Variants in NIFK observed in about 807,000 individuals in gnomAD.
NIFK encodes MKI67 FHA domain-interacting nucleolar phosphoprotein.
A neutral mutation model predicts 31.7 loss-of-function variants in NIFK; 16 were observed. The ratio of observed to expected loss-of-function variants is 0.50; its 90% CI spans 0.34 to 0.77. NIFK has a LOEUF of 0.77. NIFK is among the 30% of genes least tolerant of loss of function. The pLI, the probability that NIFK is intolerant of heterozygous loss-of-function variation, is 0.01. For synonymous variants in NIFK, 126 were observed against 123.0 expected, an observed-to-expected ratio of 1.02 and a Z score of -0.16; for missense variants, 341 against 350.4, an observed-to-expected ratio of 0.97 and a Z score of 0.21.
At chr2:121,736,632 T>TGAAGGCGAGCAC in intron 1 of NIFK, 114 bp downstream of exon 1, 1 of 848,274 alleles carries the variant, frequency 1.2e-6, no homozygotes, top group East Asian at 2.5e-5. Flanking sequence ...CTGGAGGTAA[T>TGAAGGCGAGCAC]GAAGGCGAGC....
chr2:121,730,136 C>T (rs940470833), intron 4 of NIFK, among the ~76,000 whole-genome samples: 9 of 152,138 alleles, frequency 5.9e-5, no homozygotes, highest in African/African-American at 1.9e-4. Context: ...ATTGCTTGAA[C>T]CTGGGAGGTG....
intron 6 of NIFK, 69 bp downstream of exon 6, chr2:121,728,219 G>A (rs1222896308): frequency 1.0e-6 from 1 of 980,458 alleles, no homozygotes; most frequent in Non-Finnish European, 1.6e-6. Context: ...GAGAGTAGCA[G>A]AAACTGCTTC....
Position 121,736,757 on chromosome 2 carries a change from G to C in NIFK, c.94C>G (p.Arg32Gly), listed in dbSNP as rs552559583. The C allele has an allele frequency of 1.2e-6, 2 of 1,613,718 alleles. No individual in the cohort carries two copies. Among genetic ancestry groups the C allele is most frequent in the African/African-American group, 2.7e-5 (2 of 74,944 alleles). The change falls in exon 1 of 7, where the codon CGC becomes GGC. Residue 32 changes from arginine to glycine, a missense_variant. By Grantham distance (125) the Arg-to-Gly change is moderately radical. Coordinates refer to ENST00000285814, the MANE Select transcript of NIFK (RefSeq NM_032390.5). ...FQKEVAQVRKRITQRKKQEQL... is the reference protein window; with the variant it reads ...FQKEVAQVRKGITQRKKQEQL... ...GGGTGCCTGCTCACCTGGGTTATGC[G>C]CTTGCGAACCTGCGCCACCTCCTTT...
At chr2:121,734,237 A>G (rs1486726443) in intron 2 of NIFK, among the ~76,000 whole-genome samples, 3 of 152,126 alleles carry the variant, frequency 2.0e-5, no homozygotes, top group Non-Finnish European at 4.4e-5. Flanking sequence ...CAGAGGTTGC[A>G]GTGAGCCGAG....
chr2:121,733,452 G>A (rs1329381781), intron 2 of NIFK, among the ~76,000 whole-genome samples: 2 of 151,234 alleles, frequency 1.3e-5, no homozygotes, highest in East Asian at 2.0e-4. Flanking sequence ...GAGGCTGAGG[G>A]TGCAGTGAGC....
At chr2:121,728,917 A>G (rs1320742334) in intron 4 of NIFK, among the ~76,000 whole-genome samples, 1 of 152,154 alleles carries the variant, frequency 6.6e-6, no homozygotes, top group East Asian at 1.9e-4. Context: ...TCAGTTCCCA[A>G]ATGGTTCACA....
At chr2:121,731,284 C>A (rs1239339890) in intron 3 of NIFK, 180 bp from the exon 4 acceptor site, 1 of 555,548 alleles carries the variant, frequency 1.8e-6, no homozygotes, top group Non-Finnish European at 3.2e-6. Flanking sequence ...GCCTTGTCAG[C>A]TGTGAACTTG....
chr2:121,733,467 A>T (rs910233237), intron 2 of NIFK, among the ~76,000 whole-genome samples: 4 of 151,580 alleles, frequency 2.6e-5, no homozygotes, highest in African/African-American at 7.3e-5. Context: ...GTGAGCCAAG[A>T]CTGTGCCACT....
At position 121,727,759 on chromosome 2, in the gene NIFK, A is replaced by C. The variant is rs1463368862; in HGVS notation, c.847T>G (p.Ser283Ala). The change falls in exon 7 of 7, where the codon TCA becomes GCA. Residue 283 changes from serine to alanine, a missense_variant. Transcript: ENST00000285814. The part of the protein sequence containing the change: ...EIQETQTPTH[S>A]RKKRRRSSNQ ...CTGCTTCTTCGTCTTTTTTTCCGTGAATGTGTAGGTGTTTGAGTCTCTTGT... is the reference window on the plus strand; with the variant it reads ...CTGCTTCTTCGTCTTTTTTTCCGTGCATGTGTAGGTGTTTGAGTCTCTTGT... The C allele has an allele frequency of 6.3e-7, 1 of 1,599,822 alleles. No homozygotes were observed. Among genetic ancestry groups the C allele is most frequent in the Non-Finnish European group, 8.5e-7 (1 of 1,177,088 alleles).
chr2:121,734,950 C>G (rs1033977568), intron 2 of NIFK, among the ~76,000 whole-genome samples: 1 of 152,160 alleles, frequency 6.6e-6, no homozygotes, highest in African/African-American at 2.4e-5. Context: ...CATGCTAAAT[C>G]AAATAGGTGT....
chr2:121,733,145 G>T (rs1410565767), intron 2 of NIFK, among the ~76,000 whole-genome samples: 1 of 151,322 alleles, frequency 6.6e-6, no homozygotes, highest in African/African-American at 2.4e-5. Context: ...CCAGGAGGCC[G>T]AGGTGGGTGG....
At chr2:121,734,046 G>C (rs990046583) in intron 2 of NIFK, among the ~76,000 whole-genome samples, 2 of 152,078 alleles carry the variant, frequency 1.3e-5, no homozygotes, top group Non-Finnish European at 2.9e-5. Context: ...CCAGTACCTT[G>C]GGAGGCCGAG....
At chr2:121,736,653 G>C in intron 1 of NIFK, 93 bp downstream of exon 1, 1 of 1,091,758 alleles carries the variant, frequency 9.2e-7, no homozygotes, top group Non-Finnish European at 1.4e-6. Context: ...ACGAAGGCAA[G>C]GGGCGCCCGG....
Position 121,728,320 on chromosome 2 carries a change from G to A in NIFK, c.661C>T (p.Leu221Phe). 2 of 1,608,370 alleles carry A rather than the reference G, an allele frequency of 1.2e-6. No individual in the cohort carries two copies. The highest frequency in any genetic ancestry group is 1.7e-6 in the Non-Finnish European group (2 of 1,176,908). The change falls in exon 6 of 7, where the codon CTT (leucine) becomes TTT (phenylalanine). Residue 221 changes from leucine (L) to phenylalanine (F), a missense_variant. Physicochemically the swap from Leu to Phe is conservative, Grantham distance 22. Transcript: ENST00000285814. ...RKKKKKVSGT[L>F]DTPEKTVDSQ... ...TCCACAGTCTTCTCAGGAGTGTCAA[G>A]AGTACCTGAAACTTTTTTCTTCTTC...
intron 4 of NIFK, among the ~76,000 whole-genome samples, chr2:121,729,811 T>TAA (rs1347157407): frequency 6.6e-6 from 1 of 152,228 alleles, no homozygotes; most frequent in East Asian, 1.9e-4. Context: ...ACATGTAAGT[T>TAA]AAACAAATCA....
chr2:121,735,670 A>G lies in NIFK; in HGVS notation c.186T>C (p.Phe62=), dbSNP rs139380435. The G allele has an allele frequency of 5.6e-6, 9 of 1,612,760 alleles. No individual in the cohort carries two copies. The highest frequency in any genetic ancestry group is 7.6e-6 in the Non-Finnish European group (9 of 1,179,942). The change falls in exon 2 of 7, where the codon TTT becomes TTC. Residue 62 remains phenylalanine (F), a synonymous_variant. Transcript: ENST00000285814. ...LPNLLDETQI[F]SYFSQFGTVT... ...CAGTGCCAAACTGGGAGAAATATGAAAAGATCTGGGTTTCGTCAAGTAGGT... is the reference window on the plus strand; with the variant it reads ...CAGTGCCAAACTGGGAGAAATATGAGAAGATCTGGGTTTCGTCAAGTAGGT...
intron 4 of NIFK, 188 bp downstream of exon 4, chr2:121,730,705 G>A (rs558546524): frequency 2.4e-4 from 137 of 579,648 alleles, no homozygotes; most frequent in African/African-American, 2.3e-3. Context: ...TTAGCCAGAC[G>A]TGGTGGTGTG....
rs768177439 is a variant in NIFK at position 121,732,140 on chromosome 2, G to T, written c.308C>A (p.Ala103Asp). 2.1e-5 allele frequency: 34 copies of T among 1,612,744 alleles called. No individual in the cohort carries two copies. The highest frequency in any genetic ancestry group is 2.7e-5 in the African/African-American group (2 of 74,868). Residue 103 changes from alanine (A) to aspartate (D), a missense_variant, in exon 3 of 7, where the codon GCT becomes GAT. Transcript: ENST00000285814. ...FESEDVAKIV[A>D]ETMNNYLFGE... ...AAACAGGTAGTTGTTCATTGTTTCA[G>T]CAACTATTTTGGCAACATCCTCAGA... is the stretch of plus-strand genomic sequence containing the variant.
chr2:121,727,404 A>T lies in NIFK; in HGVS notation c.*320T>A. On this transcript the variant is annotated 3_prime_UTR_variant, in exon 7 of 7. Transcript: ENST00000285814. ...CTGGCGACAGAAAAGGCTGCAGTTTAGTACTTAAACCTGCAGTTAGTGGTC... is the reference window on the plus strand; with the variant it reads ...CTGGCGACAGAAAAGGCTGCAGTTTTGTACTTAAACCTGCAGTTAGTGGTC... 1 of 518,170 alleles carries T rather than the reference A, an allele frequency of 1.9e-6. No homozygotes were observed. The highest frequency in any genetic ancestry group is 1.5e-5 in the South Asian group (1 of 65,002). 32.1% of individuals were successfully genotyped at this position (518,170 alleles called of 1,614,324 possible).
Sources: allele counts gnomAD v4.1 joint callset (sites outside exome capture counted in the v4.1 genomes callset), GRCh38; gene constraint gnomAD v4.1.1; transcripts MANE v1.5; gene names NCBI Gene and HGNC (gene_info 2026-07-23, HGNC 2026-07-21).